PCNX1: variants seen among roughly 807,000 people sequenced by gnomAD.
The protein encoded by PCNX1 is pecanex-like protein 1.
In PCNX1, 78 loss-of-function variants were observed where a neutral mutation model predicts 242.2. That is an observed-to-expected ratio of 0.32 (90% confidence interval 0.27 to 0.39). The LOEUF (loss-of-function observed/expected upper bound fraction) is 0.39. Among genes scored for constraint, PCNX1 ranks in the 10% least tolerant of loss-of-function variants. PCNX1 has a pLI of 1.00. For synonymous variants in PCNX1, 1,024 were observed against 1,032.9 expected (o/e 0.99, Z 0.17); for missense variants, 2,581 against 2,856.5 (o/e 0.90, Z 2.20).
chr14:70,976,862 G>C, intron 5 of PCNX1, 80 bp from the exon 6 acceptor site: 2 of 1,223,566 alleles, frequency 1.6e-6, no homozygotes, highest in Admixed American at 4.1e-5. Flanking sequence ...ACTGTATGCA[G>C]TGAATTCTTT....
chr14:71,037,455 T>C (rs1309652023), intron 19 of PCNX1, among the ~76,000 whole-genome samples: 2 of 150,048 alleles, frequency 1.3e-5, no homozygotes, highest in African/African-American at 4.9e-5. Flanking sequence ...TATTTTGAAA[T>C]ATGTCCCATC....
intron 28 of PCNX1, among the ~76,000 whole-genome samples, chr14:71,084,067 A>T (rs2061923242): frequency 6.6e-6 from 1 of 152,026 alleles, no homozygotes; most frequent in African/African-American, 2.4e-5. Flanking sequence ...TGATGATGCT[A>T]TTCCTTTCTG....
chr14:70,979,207 T>A (rs2058767054), intron 6 of PCNX1, among the ~76,000 whole-genome samples: 1 of 152,176 alleles, frequency 6.6e-6, no homozygotes, highest in Non-Finnish European at 1.5e-5. Flanking sequence ...AAATACTATT[T>A]TTTTCTATAA....
At chr14:71,012,914 T>G (rs553872042) in intron 10 of PCNX1, 71 bp from the exon 11 acceptor site, 1 of 1,006,436 alleles carries the variant, frequency 9.9e-7, no homozygotes, top group South Asian at 1.3e-5. Flanking sequence ...ATGAAGATAT[T>G]TTATTTTGAA....
intron 29 of PCNX1, among the ~76,000 whole-genome samples, chr14:71,088,809 A>G (rs2062057964): frequency 6.6e-6 from 1 of 152,234 alleles, no homozygotes; most frequent in Admixed American, 6.5e-5. Context: ...GTAATATATT[A>G]GATTCGGGGA....
At chr14:70,942,180 T>TG (rs755276613) in intron 1 of PCNX1, among the ~76,000 whole-genome samples, 2 of 152,176 alleles carry the variant, frequency 1.3e-5, no homozygotes, top group Non-Finnish European at 2.9e-5. Flanking sequence ...CATTTGGAAA[T>TG]GCAGAAGTCA....
chr14:71,058,025 G>A (rs1363680103), intron 26 of PCNX1, among the ~76,000 whole-genome samples: 1 of 152,196 alleles, frequency 6.6e-6, no homozygotes, highest in Admixed American at 6.5e-5. Context: ...TCCCTTTTGT[G>A]ACCAGTTGCA....
chr14:71,105,350 A>G lies in PCNX1; in HGVS notation c.6211A>G (p.Ser2071Gly). 2 of 1,614,146 alleles carry G rather than the reference A, an allele frequency of 1.2e-6. No individual in the cohort carries two copies. Among genetic ancestry groups the G allele is most frequent in the Non-Finnish European group, 8.5e-7 (1 of 1,180,000 alleles). Reference sequence around the variant, plus strand: ...TGCAACAACTGCCAACAATCCCCACAGCAACGTGACCCAGGGAAGCATTGG... The same window carrying G: ...TGCAACAACTGCCAACAATCCCCACGGCAACGTGACCCAGGGAAGCATTGG... ...NNATTANNPH[S>G]NVTQGSIGNP... The change falls in exon 33 of 36, where the codon AGC becomes GGC. Residue 2071 changes from serine (S) to glycine (G), a missense_variant. Physicochemically the swap from Ser to Gly is moderately conservative, Grantham distance 56. Transcript: ENST00000304743.
chr14:70,925,011 CAG>C (rs1236457282), intron 1 of PCNX1, among the ~76,000 whole-genome samples: 4 of 151,100 alleles, frequency 2.6e-5, no homozygotes, highest in Non-Finnish European at 5.9e-5. Context: ...TTTATTGAGA[CAG>C]AATCTCACTC....
intron 24 of PCNX1, chr14:71,053,518 A>G (rs901075230): frequency 6.2e-6 from 2 of 324,182 alleles, no homozygotes; most frequent in Non-Finnish European, 1.2e-5. Flanking sequence ...GGGTTTCACC[A>G]TGTTGACCAG....
chr14:71,018,892 C>A, intron 11 of PCNX1, 117 bp from the exon 12 acceptor site: 2 of 824,614 alleles, frequency 2.4e-6, no homozygotes, highest in African/African-American at 1.7e-5. Context: ...AACTCAGTAC[C>A]AAAAAGACAT....
chr14:71,088,134 TTTTA>T (rs1298412748), intron 28 of PCNX1, among the ~76,000 whole-genome samples, 192 bp from the exon 29 acceptor site: 2 of 152,182 alleles, frequency 1.3e-5, no homozygotes, highest in African/African-American at 4.8e-5. Context: ...AAATTTTAGA[TTTTA>T]TTTAAGGATT....
intron 27 of PCNX1, among the ~76,000 whole-genome samples, chr14:71,075,609 G>T (rs1004251866): frequency 4.6e-5 from 7 of 152,032 alleles, no homozygotes; most frequent in African/African-American, 1.7e-4. Context: ...AAAATCCATA[G>T]ATTAGGGCCA....
intron 29 of PCNX1, 133 bp downstream of exon 29, chr14:71,088,563 A>G: frequency 1.9e-6 from 1 of 528,104 alleles, no homozygotes; most frequent in Non-Finnish European, 3.4e-6. Context: ...ATATTTCTAT[A>G]CATCATCTTC....
At chr14:70,942,954 T>C (rs1354800676) in intron 1 of PCNX1, 2 of 152,458 alleles carry the variant, frequency 1.3e-5, no homozygotes, top group East Asian at 3.8e-4. Context: ...GATCTGATGG[T>C]TTTATAAGGG....
In PCNX1 at chr14:71,076,182, A is replaced by G; in HGVS notation, c.5107-7A>G. ...GAATTCTTTTTTTTTTGTCTTGTTC[A>G]TGTTAGGGTATCATTTATTATGTTA... On this transcript the variant is annotated splice_region_variant and splice_polypyrimidine_tract_variant and intron_variant, in intron 27 of 35. Transcript: ENST00000304743. 3 of 1,522,068 alleles carry G rather than the reference A, an allele frequency of 2.0e-6. No homozygotes were observed. The highest frequency in any genetic ancestry group is 2.3e-5 in the East Asian group (1 of 44,252). The allele number at this position is 1,522,068 out of a possible 1,614,324, so 94.3% of individuals were successfully genotyped here.
chr14:71,112,387 T>C lies in PCNX1; in HGVS notation c.*2452T>C, dbSNP rs939795718. ...AAACAAGTTGAATTTTGTTAACATA[T>C]ATAATTCTTTAGTGAATTTATAAAT... On this transcript the variant is annotated 3_prime_UTR_variant, in exon 36 of 36. Coordinates refer to ENST00000304743, the MANE Select transcript of PCNX1 (RefSeq NM_014982.3). 2 of 152,108 alleles carry C rather than the reference T, an allele frequency of 1.3e-5. No individual in the cohort carries two copies. Among genetic ancestry groups the C allele is most frequent in the African/African-American group, 4.8e-5 (2 of 41,462 alleles). 9.4% of individuals were successfully genotyped at this position (152,108 alleles called of 1,614,324 possible). A position where few individuals can be genotyped will look rare whatever the true frequency, so the allele number is the denominator to read the frequency against.
At position 70,962,269 on chromosome 14, in the gene PCNX1, G is replaced by C. The variant is rs1363923033; in HGVS notation, c.406G>C (p.Ala136Pro). The change falls in exon 3 of 36, where the codon GCC (alanine) becomes CCC (proline). Residue 136 changes from alanine to proline, a missense_variant. Ala to Pro is a conservative substitution (Grantham distance 27, BLOSUM62 -1). This residue lies in a region of PCNX1 where 1,204 missense variants were observed against 1,216.7 expected (regional missense o/e 0.99). Transcript: ENST00000304743. The stretch of plus-strand genomic sequence containing the variant: ...TGAAATGTCTGAGTTCATCCGAGAG[G>C]CCACACCCCCAGTTGGTTGCAGTTC... ...GIEMSEFIRE[A>P]TPPVGCSSRN... 1 of 1,613,614 alleles carries C rather than the reference G, an allele frequency of 6.2e-7. No individual in the cohort carries two copies. The highest frequency in any genetic ancestry group is 8.5e-7 in the Non-Finnish European group (1 of 1,179,624).
At chr14:70,959,017 C>CA (rs34761560) in intron 2 of PCNX1, among the ~76,000 whole-genome samples, 2,506 of 78,116 alleles carry the variant, frequency 0.032, 39 homozygotes, top group Middle Eastern at 0.078. Flanking sequence ...CAGATAATAG[C>CA]AAAAAAAAAA....
Sources: allele counts gnomAD v4.1 joint callset (sites outside exome capture counted in the v4.1 genomes callset), GRCh38; gene constraint gnomAD v4.1.1; regional missense constraint gnomAD v4.1.1; transcripts MANE v1.5; gene names NCBI Gene and HGNC (gene_info 2026-07-23, HGNC 2026-07-21).